SHISAL1: variants seen among roughly 807,000 people sequenced by gnomAD.
SHISAL1 encodes the protein protein shisa-like-1.
SHISAL1 carries 9 observed loss-of-function variants against 22.6 expected under a neutral mutation model. That is an observed-to-expected ratio of 0.40 (90% CI 0.24 to 0.70). SHISAL1 has a LOEUF of 0.70. Among genes scored for constraint, SHISAL1 ranks in the 30% least tolerant of loss-of-function variants. The probability of loss-of-function intolerance (pLI) is 0.39; values close to 1 mark genes in which losing one functional copy is unlikely to be tolerated. For synonymous variants in SHISAL1, 119 were observed against 115.4 expected, an observed-to-expected ratio of 1.03 and a Z score of -0.20; for missense variants, 246 against 270.6, an observed-to-expected ratio of 0.91 and a Z score of 0.64.
At chr22:44,324,917 G>A in the SHISAL1 span, among the ~76,000 whole-genome samples, 31 of 152,152 alleles carry the variant, frequency 2.0e-4, no homozygotes, top group African/African-American at 2.2e-4. Context: ...CCAGCCCAGC[G>A]CCCAGAAGCT....
chr22:44,287,160 TG>T (rs1745270758), intron 3 of SHISAL1, among the ~76,000 whole-genome samples: 1 of 152,250 alleles, frequency 6.6e-6, no homozygotes, highest in Non-Finnish European at 1.5e-5. Flanking sequence ...AACCCTTGCC[TG>T]TCTCTGGGCC....
chr22:44,327,680 A>G, the SHISAL1 span, among the ~76,000 whole-genome samples: 1 of 151,918 alleles, frequency 6.6e-6, no homozygotes, highest in Non-Finnish European at 1.5e-5. Context: ...GGCAGGAAGG[A>G]GGGAAGGGGT....
chr22:44,300,765 A>G, intron 2 of SHISAL1, 114 bp downstream of exon 2: 1 of 847,676 alleles, frequency 1.2e-6, no homozygotes, highest in Admixed American at 2.0e-5. Context: ...AAGGTGGAGG[A>G]CAAAAGGCAA....
In SHISAL1 at chr22:44,269,522, A is replaced by AC. The variant is rs767397481; in HGVS notation, c.599+15905dup. Among the ~76,000 whole-genome samples, 368 of 92,836 alleles carry AC rather than the reference A, an allele frequency of 4.0e-3. 1 individual carries two copies. The highest frequency in any genetic ancestry group is 7.5e-3 in the Non-Finnish European group (293 of 39,020). 60.9% of individuals were successfully genotyped at this position (92,836 alleles called of 152,430 possible). On this transcript the variant is annotated intron_variant, in intron 4 of 4. Transcript: ENST00000381176. ...ATGCCACACCATGCTGCAGACCCAC[A>AC]CAATATACACACACACCATGCCACA...
chr22:44,264,747 G>T (rs1466824691), intron 4 of SHISAL1, among the ~76,000 whole-genome samples: 2 of 150,656 alleles, frequency 1.3e-5, no homozygotes, highest in Non-Finnish European at 3.0e-5. Context: ...CAATTCACAA[G>T]CCGTGTGATC....
intron 4 of SHISAL1, among the ~76,000 whole-genome samples, chr22:44,256,709 C>T (rs1485758260): frequency 6.6e-6 from 1 of 152,122 alleles, no homozygotes; most frequent in Non-Finnish European, 1.5e-5. Context: ...CTGCTTTTGG[C>T]CCATGACTGT....
intron 4 of SHISAL1, among the ~76,000 whole-genome samples, chr22:44,266,244 C>T (rs1339265976): frequency 6.6e-6 from 1 of 152,172 alleles, no homozygotes; most frequent in Non-Finnish European, 1.5e-5. Flanking sequence ...AATGTATATC[C>T]TATTGAGTCG....
Position 44,260,600 on chromosome 22 carries a change from T to A in SHISAL1, c.*-10915A>T, listed in dbSNP as rs1308036123. On this transcript the variant is annotated intron_variant, in intron 4 of 4. Coordinates refer to ENST00000381176, the MANE Select transcript of SHISAL1 (RefSeq NM_001099294.2). Reference sequence around the variant, plus strand: ...GTTTCCCCGGGAATGGTAAGCTCACTCCTTTACAAGCCATTCCCTTTTAAG... The same window carrying A: ...GTTTCCCCGGGAATGGTAAGCTCACACCTTTACAAGCCATTCCCTTTTAAG... 2.0e-5 allele frequency among the ~76,000 whole-genome samples: 3 copies of A among 152,204 alleles called. No homozygotes were observed. The East Asian group carries it at 5.8e-4, about 29-fold the overall frequency.
intron 3 of SHISAL1, 57 bp downstream of exon 3, chr22:44,296,615 C>G: frequency 6.5e-7 from 1 of 1,531,696 alleles, no homozygotes; most frequent in Non-Finnish European, 9.0e-7. Context: ...TTTTGGGAGG[C>G]AGGCCCCTTG....
the SHISAL1 span, among the ~76,000 whole-genome samples, chr22:44,326,841 C>T: frequency 2.0e-5 from 3 of 152,110 alleles, no homozygotes; most frequent in East Asian, 1.9e-4. Context: ...AGGCAGGGAG[C>T]GATTCTGAAG....
the SHISAL1 span, among the ~76,000 whole-genome samples, chr22:44,322,144 G>A: frequency 6.6e-6 from 1 of 152,204 alleles, no homozygotes; most frequent in Non-Finnish European, 1.5e-5. Context: ...CGTGCCCTTG[G>A]GGAAGTCCCT....
intron 4 of SHISAL1, among the ~76,000 whole-genome samples, chr22:44,278,339 T>C (rs1448757195): frequency 3.9e-5 from 6 of 152,158 alleles, no homozygotes; most frequent in African/African-American, 1.4e-4. Flanking sequence ...TTGTGGGACT[T>C]TGTGATCGTG....
chr22:44,290,193 G>A (rs888214154), intron 3 of SHISAL1, among the ~76,000 whole-genome samples: 1 of 152,210 alleles, frequency 6.6e-6, no homozygotes, highest in African/African-American at 2.4e-5. Context: ...CAGCTCAGCT[G>A]GAAGATGGCC....
rs1305066218 is a variant in SHISAL1, at chr22:44,285,620, C to T, written c.407G>A (p.Gly136Asp). The T allele has an allele frequency of 6.2e-7, 1 of 1,614,180 alleles. No individual in the cohort carries two copies. Among genetic ancestry groups the T allele is most frequent in the South Asian group, 1.1e-5 (1 of 91,090 alleles). ...DICKVYLARW[G>D]IQGRWMKQDP... ...CTGTTTCATCCATCGTCCTTGGATGCCCCACCGTGCCAGGTAGACCTTGCA... is the reference window on the plus strand; with the variant it reads ...CTGTTTCATCCATCGTCCTTGGATGTCCCACCGTGCCAGGTAGACCTTGCA... The change falls in exon 4 of 5, where the codon GGC becomes GAC. Residue 136 changes from glycine to aspartate, a missense_variant. Around this residue, in one of 2 missense-constraint regions of SHISAL1, gnomAD observed 136 missense variants for 117.5 expected, o/e 1.16. Transcript: ENST00000381176.
intron 4 of SHISAL1, among the ~76,000 whole-genome samples, chr22:44,253,834 G>C (rs1601774597): frequency 6.7e-6 from 1 of 148,876 alleles, no homozygotes. Flanking sequence ...TCTAACAACT[G>C]TGTGTGTGTG....
At chr22:44,279,063 C>G (rs1357051738) in intron 4 of SHISAL1, among the ~76,000 whole-genome samples, 1 of 152,224 alleles carries the variant, frequency 6.6e-6, no homozygotes, top group Non-Finnish European at 1.5e-5. Flanking sequence ...GGTGGAGTCA[C>G]TGGTTCTGAG....
At chr22:44,292,144 C>T (rs1289582464) in intron 3 of SHISAL1, among the ~76,000 whole-genome samples, 1 of 152,246 alleles carries the variant, frequency 6.6e-6, no homozygotes, top group Non-Finnish European at 1.5e-5. Context: ...TCCCTGTCAC[C>T]AGCCCCGCCT....
At chr22:44,253,014 A>T (rs1041898453) in intron 4 of SHISAL1, among the ~76,000 whole-genome samples, 41 of 147,628 alleles carry the variant, frequency 2.8e-4, no homozygotes, top group African/African-American at 7.1e-4. Flanking sequence ...TAAAAAAAAT[A>T]AAAAAAAAGG....
chr22:44,289,610 G>A (rs1391180038), intron 3 of SHISAL1, among the ~76,000 whole-genome samples: 1 of 152,216 alleles, frequency 6.6e-6, no homozygotes, highest in African/African-American at 2.4e-5. Context: ...TGCCTGCCGG[G>A]GGGTGTTGCC....
Sources: gnomAD v4.1 joint callset for allele counts (sites outside exome capture counted in the v4.1 genomes callset) on GRCh38, gnomAD v4.1.1 for gene constraint, gnomAD v4.1.1 regional missense constraint, MANE v1.5 for transcripts, NCBI Gene and HGNC (gene_info 2026-07-23, HGNC 2026-07-21) for gene names.